SLC49A4: variants seen among roughly 807,000 people sequenced by gnomAD.
The protein encoded by SLC49A4 is disrupted in renal cancer protein 2.
SLC49A4 carries 36 observed loss-of-function variants against 50.6 expected under a neutral mutation model. The ratio of observed to expected loss-of-function variants is 0.71; its 90% CI spans 0.55 to 0.94. SLC49A4 has a LOEUF of 0.94. SLC49A4 is among the 40% of genes least tolerant of loss of function. The pLI is 0.00. For synonymous variants in SLC49A4, 248 were observed against 241.2 expected (o/e 1.03, Z -0.26); for missense variants, 503 against 605.7 (o/e 0.83, Z 1.78).
rs753897216 is a variant in SLC49A4, at chr3:122,879,212, T to C, written c.1322-51T>C. 4.1e-5 allele frequency: 53 copies of C among 1,302,082 alleles called. No individual in the cohort carries two copies. In the Admixed American group the frequency reaches 4.4e-4, roughly 11 times the overall value. 80.7% of individuals were successfully genotyped at this position (1,302,082 alleles called of 1,614,324 possible). On this transcript the variant is annotated intron_variant, in intron 8 of 8. Coordinates refer to ENST00000261038, the MANE Select transcript of SLC49A4 (RefSeq NM_032839.3). ...ATTCCTTCCGGCATACAGGTGGTGG[T>C]CTGCTGGTGATACATGAATGTTTAA...
intron 8 of SLC49A4, among the ~76,000 whole-genome samples, chr3:122,875,655 A>G (rs951919077): frequency 1.3e-5 from 2 of 152,142 alleles, no homozygotes; most frequent in Admixed American, 6.5e-5. Context: ...CCCAGCCTAG[A>G]AGGCCTGATT....
At position 122,860,139 on chromosome 3, in the gene SLC49A4, C is replaced by T. The variant is rs751521034; in HGVS notation, c.1075C>T (p.Leu359=). ...TCTCCTCCTGTTTTCGGGAGCTACA[C>T]TGTCATCCACGTGGTTCACCCTGAC... ...ILLLLFSGAT[L]SSTWFTLTCL... Residue 359 remains leucine (L), a synonymous_variant, in exon 7 of 9, where the codon CTG becomes TTG. Transcript: ENST00000261038. 1.9e-6 allele frequency: 3 copies of T among 1,613,592 alleles called. No homozygotes were observed. Among genetic ancestry groups the T allele is most frequent in the African/African-American group, 1.3e-5 (1 of 75,026 alleles).
At chr3:122,836,829 A>G (rs1217274710) in intron 4 of SLC49A4, among the ~76,000 whole-genome samples, 5 of 152,222 alleles carry the variant, frequency 3.3e-5, no homozygotes, top group Non-Finnish European at 7.3e-5. Context: ...GTCTCAGCCC[A>G]AAATCTCCTC....
chr3:122,872,492 GA>G lies in SLC49A4; in HGVS notation c.1219del (p.Thr407LeufsTer17). 6.2e-7 allele frequency: 1 copy of G among 1,613,768 alleles called. No individual in the cohort carries two copies. ...GCCTATATTTTTTGAGCTTTTTGTG[GA>G]AACTGTCTACCCAGTTCCAGAAGGA... ...SVPIFFELFVETVYPVPEGIT... is the reference protein window; with the variant it reads ...SVPIFFELFVXTVYPVPEGIT... On this transcript the variant is annotated frameshift_variant, in exon 8 of 9. Transcript: ENST00000261038. LOFTEE classifies it high-confidence loss of function.
chr3:122,865,404 C>T (rs982317257), intron 7 of SLC49A4, among the ~76,000 whole-genome samples: 3 of 152,186 alleles, frequency 2.0e-5, no homozygotes, highest in South Asian at 2.1e-4. Context: ...TCTTTTGGAA[C>T]CACAGTTGCA....
chr3:122,847,768 T>C (rs1486430848), intron 5 of SLC49A4, among the ~76,000 whole-genome samples: 1 of 152,040 alleles, frequency 6.6e-6, no homozygotes, highest in African/African-American at 2.4e-5. Context: ...AAAAAAGCAA[T>C]CATTAGAAAC....
intron 4 of SLC49A4, among the ~76,000 whole-genome samples, chr3:122,840,230 G>A (rs993751588): frequency 6.6e-6 from 1 of 152,190 alleles, no homozygotes; most frequent in African/African-American, 2.4e-5. Flanking sequence ...TGGAGACTCA[G>A]AATGGAGAGG....
chr3:122,878,865 C>T (rs1399137003), intron 8 of SLC49A4, among the ~76,000 whole-genome samples: 11 of 152,038 alleles, frequency 7.2e-5, no homozygotes, highest in African/African-American at 2.2e-4. Flanking sequence ...AGATGATTTT[C>T]GTATTTGTCT....
chr3:122,824,182 C>G (rs1936492387), intron 2 of SLC49A4, among the ~76,000 whole-genome samples: 2 of 152,160 alleles, frequency 1.3e-5, no homozygotes, highest in African/African-American at 4.8e-5. Context: ...AGTAACTTTG[C>G]AACACCACAT....
At chr3:122,796,639 C>T (rs1260721200) in intron 1 of SLC49A4, among the ~76,000 whole-genome samples, 1 of 152,204 alleles carries the variant, frequency 6.6e-6, no homozygotes, top group African/African-American at 2.4e-5. Context: ...GGCAGTAATC[C>T]TATTCACATG....
intron 1 of SLC49A4, among the ~76,000 whole-genome samples, chr3:122,805,700 G>A (rs1995993): frequency 0.17 from 25,847 of 152,114 alleles, 3,123 homozygotes; most frequent in East Asian, 0.52. Context: ...ATTAACAGAG[G>A]CGTAGCATTC....
intron 5 of SLC49A4, among the ~76,000 whole-genome samples, chr3:122,850,962 C>G (rs934175920): frequency 6.6e-6 from 1 of 152,074 alleles, no homozygotes; most frequent in Non-Finnish European, 1.5e-5. Flanking sequence ...TTAATTTCCC[C>G]CCACTCTATT....
At chr3:122,865,040 T>C (rs1287788616) in intron 7 of SLC49A4, among the ~76,000 whole-genome samples, 1 of 152,164 alleles carries the variant, frequency 6.6e-6, no homozygotes, top group Non-Finnish European at 1.5e-5. Context: ...GCATTCAACA[T>C]GTATAGGCTA....
intron 5 of SLC49A4, among the ~76,000 whole-genome samples, chr3:122,847,810 G>T (rs889635614): frequency 5.3e-5 from 8 of 152,138 alleles, no homozygotes; most frequent in African/African-American, 1.9e-4. Flanking sequence ...GTTGGATTTA[G>T]CAGACTGAGG....
chr3:122,837,876 C>A (rs1465911916), intron 4 of SLC49A4, among the ~76,000 whole-genome samples: 4 of 151,812 alleles, frequency 2.6e-5, no homozygotes, highest in Non-Finnish European at 5.9e-5. Flanking sequence ...AAAAAAACAA[C>A]CCCATCAAAA....
At chr3:122,834,185 CT>C (rs1369920093) in intron 4 of SLC49A4, among the ~76,000 whole-genome samples, 3 of 152,094 alleles carry the variant, frequency 2.0e-5, no homozygotes, top group Non-Finnish European at 2.9e-5. Flanking sequence ...TTGGTTCTTT[CT>C]TTTCTTGGGT....
In SLC49A4 at chr3:122,879,443, C is replaced by A; in HGVS notation, c.*65C>A. 1 of 1,173,756 alleles carries A rather than the reference C, an allele frequency of 8.5e-7. No homozygotes were observed. The allele number at this position is 1,173,756 out of a possible 1,614,324, so 72.7% of individuals were successfully genotyped here. A position where few individuals can be genotyped will look rare whatever the true frequency, so the allele number is the denominator to read the frequency against. ...CAATACTGCACACTGCACATTTGCT[C>A]AGAATTGCACATCTAACAGGAAAAG... On this transcript the variant is annotated 3_prime_UTR_variant, in exon 9 of 9. Coordinates refer to ENST00000261038, the MANE Select transcript of SLC49A4 (RefSeq NM_032839.3).
At chr3:122,843,303 T>G (rs893316096) in intron 4 of SLC49A4, among the ~76,000 whole-genome samples, 12 of 152,136 alleles carry the variant, frequency 7.9e-5, no homozygotes, top group Non-Finnish European at 1.3e-4. Flanking sequence ...TCAACAATTG[T>G]CAGTGAGTTT....
At chr3:122,818,964 T>C (rs905622832) in intron 2 of SLC49A4, among the ~76,000 whole-genome samples, 26 of 149,914 alleles carry the variant, frequency 1.7e-4, no homozygotes, top group Admixed American at 1.5e-3. Flanking sequence ...AAAAAAAATA[T>C]TGTGAGAGGC....
Sources: allele counts gnomAD v4.1 joint callset (sites outside exome capture counted in the v4.1 genomes callset), GRCh38; gene constraint gnomAD v4.1.1; transcripts MANE v1.5; gene names NCBI Gene and HGNC (gene_info 2026-07-23, HGNC 2026-07-21).